PARD3: variants seen among roughly 807,000 people sequenced by gnomAD.
The protein encoded by PARD3 is partitioning defective 3 homolog.
PARD3 carries 75 observed loss-of-function variants against 155.4 expected under a neutral mutation model. The observed-to-expected ratio is 0.48, with a 90% CI of 0.40 to 0.58. The LOEUF (loss-of-function observed/expected upper bound fraction) is 0.58. Among genes scored for constraint, PARD3 ranks in the 20% least tolerant of loss-of-function variants. PARD3 has a pLI of 0.00. For missense variants in PARD3, 1,642 were observed against 1,721.7 expected, an observed-to-expected ratio of 0.95 and a Z score of 0.82; for synonymous variants, 576 against 610.5, an observed-to-expected ratio of 0.94 and a Z score of 0.83.
At chr10:34,562,063 G>T (rs116612508) in intron 2 of PARD3, among the ~76,000 whole-genome samples, 31 of 147,306 alleles carry the variant, frequency 2.1e-4, no homozygotes, top group African/African-American at 3.8e-4. Context: ...AACCTGGGAG[G>T]GGGGGTGAAC....
chr10:34,267,630 T>C (rs1239220017), intron 22 of PARD3, among the ~76,000 whole-genome samples: 1 of 152,206 alleles, frequency 6.6e-6, no homozygotes, highest in African/African-American at 2.4e-5. Flanking sequence ...ACCTGTTGCA[T>C]CTGCAAACCT....
intron 22 of PARD3, among the ~76,000 whole-genome samples, chr10:34,182,426 T>A (rs1950307867): frequency 6.6e-6 from 1 of 152,220 alleles, no homozygotes; most frequent in Non-Finnish European, 1.5e-5. Flanking sequence ...TATGTGTGTG[T>A]ACATAAAAAC....
Position 34,201,377 on chromosome 10 carries a change from T to C in PARD3, c.3419+68280A>G, listed in dbSNP as rs16935224. 5.8e-3 allele frequency among the ~76,000 whole-genome samples: 887 copies of C among 152,342 alleles called. 8 individuals carry two copies. The highest frequency in any genetic ancestry group is 0.02 in the African/African-American group (844 of 41,570). The stretch of plus-strand genomic sequence containing the variant: ...ATTGGAAGGGAACAGTATTCTCTCA[T>C]TATTTAAAAGCAGTATTTTATAACA... On this transcript the variant is annotated intron_variant, in intron 22 of 24. Coordinates refer to ENST00000374788, the MANE Select transcript of PARD3 (RefSeq NM_001184785.2).
intron 2 of PARD3, among the ~76,000 whole-genome samples, chr10:34,582,080 G>T (rs1181887254): frequency 6.6e-6 from 1 of 152,230 alleles, no homozygotes; most frequent in African/African-American, 2.4e-5. Context: ...AAGACTTGCT[G>T]AAGTTTCATC....
chr10:34,541,466 T>C (rs970250294), intron 2 of PARD3, among the ~76,000 whole-genome samples: 6 of 152,244 alleles, frequency 3.9e-5, no homozygotes, highest in African/African-American at 1.4e-4. Flanking sequence ...ATATGAATTC[T>C]GAATTCATAG....
chr10:34,297,147 G>A (rs1297947255), intron 20 of PARD3, among the ~76,000 whole-genome samples: 2 of 151,998 alleles, frequency 1.3e-5, no homozygotes, highest in East Asian at 3.9e-4. Context: ...TAGAAAATAT[G>A]CAAAAATTAG....
chr10:34,353,587 G>T (rs895010713), intron 14 of PARD3, among the ~76,000 whole-genome samples: 2 of 152,070 alleles, frequency 1.3e-5, no homozygotes, highest in African/African-American at 2.4e-5. Context: ...GCGGAAGGCC[G>T]CAGGGTCCTC....
At chr10:34,743,558 T>C (rs1373103666) in intron 1 of PARD3, among the ~76,000 whole-genome samples, 1 of 152,300 alleles carries the variant, frequency 6.6e-6, no homozygotes. Context: ...GAAAATCCCA[T>C]GCCAATTAAT....
At chr10:34,495,407 T>C (rs1320268653) in intron 3 of PARD3, among the ~76,000 whole-genome samples, 1 of 152,188 alleles carries the variant, frequency 6.6e-6, no homozygotes, top group African/African-American at 2.4e-5. Context: ...CCCACATTTA[T>C]TGGTACCCTT....
intron 2 of PARD3, among the ~76,000 whole-genome samples, chr10:34,584,306 A>AT (rs1564379877): frequency 6.6e-6 from 1 of 152,186 alleles, no homozygotes; most frequent in African/African-American, 2.4e-5. Context: ...TTACAATGCT[A>AT]AAGTCTTTCT....
chr10:34,814,835 C>T (rs1251904935), intron 1 of PARD3, 41 bp downstream of exon 1: 2 of 1,213,164 alleles, frequency 1.6e-6, no homozygotes, highest in Admixed American at 2.2e-5. Context: ...GGCGCCGTCC[C>T]CGCCGCCGCC....
chr10:34,651,011 C>CAAAAA (rs60113552), intron 2 of PARD3, among the ~76,000 whole-genome samples: 8 of 44,546 alleles, frequency 1.8e-4, no homozygotes, highest in African/African-American at 2.6e-4. Flanking sequence ...AACTCTGTCT[C>CAAAAA]AAAAAAAAAA....
intron 3 of PARD3, among the ~76,000 whole-genome samples, chr10:34,509,783 GA>G (rs978123213): frequency 1.3e-5 from 2 of 151,190 alleles, no homozygotes; most frequent in African/African-American, 4.9e-5. Context: ...CACACGCATC[GA>G]AAAAATGACA....
At chr10:34,608,979 G>C (rs1351506123) in intron 2 of PARD3, among the ~76,000 whole-genome samples, 1 of 152,108 alleles carries the variant, frequency 6.6e-6, no homozygotes, top group Non-Finnish European at 1.5e-5. Flanking sequence ...ACCAATATGA[G>C]GACCTTGGGC....
At chr10:34,684,820 CACACACACACATATATACACACACACAT>C (rs2093920192) in intron 2 of PARD3, among the ~76,000 whole-genome samples, 3 of 125,574 alleles carry the variant, frequency 2.4e-5, no homozygotes, top group Middle Eastern at 3.5e-3. Context: ...CACACACACA[CACACACACACATATATACACACACACAT>C]ATATATACAT....
At chr10:34,632,224 A>G (rs1298994668) in intron 2 of PARD3, among the ~76,000 whole-genome samples, 1 of 152,120 alleles carries the variant, frequency 6.6e-6, no homozygotes, top group Non-Finnish European at 1.5e-5. Context: ...GCGCCACTAC[A>G]CTCCAGCCTG....
chr10:34,600,964 T>C (rs1454452859), intron 2 of PARD3, among the ~76,000 whole-genome samples: 8 of 42,736 alleles, frequency 1.9e-4, no homozygotes, highest in African/African-American at 1.4e-3. Context: ...TTTTTTTAAT[T>C]TTTTTTTTTT....
At chr10:34,130,939 T>C (rs1298574684) in intron 23 of PARD3, among the ~76,000 whole-genome samples, 5 of 152,130 alleles carry the variant, frequency 3.3e-5, no homozygotes, top group Non-Finnish European at 7.3e-5. Flanking sequence ...CACTTGCCTA[T>C]AGTCCAGCTA....
chr10:34,790,269 T>C (rs1841476092), intron 1 of PARD3, among the ~76,000 whole-genome samples: 1 of 152,232 alleles, frequency 6.6e-6, no homozygotes, highest in Non-Finnish European at 1.5e-5. Flanking sequence ...CACATTGTCT[T>C]CTACTTCCTC....
Sources: gnomAD v4.1 joint callset for allele counts (sites outside exome capture counted in the v4.1 genomes callset) on GRCh38, gnomAD v4.1.1 for gene constraint, MANE v1.5 for transcripts, NCBI Gene and HGNC (gene_info 2026-07-23, HGNC 2026-07-21) for gene names.